METTL24: variants seen among roughly 807,000 people sequenced by gnomAD.
METTL24 encodes methyltransferase like 24, also known as probable methyltransferase-like protein 24.
A neutral mutation model predicts 32.7 loss-of-function variants in METTL24; 29 were observed. The ratio of observed to expected loss-of-function variants is 0.89; its 90% CI spans 0.66 to 1.21. The LOEUF (loss-of-function observed/expected upper bound fraction) is 1.21, where lower values mean the gene tolerates loss of function less well. Ranked by LOEUF, METTL24 falls within the 50% of genes most tolerant of loss-of-function variation. The pLI, the probability that METTL24 is intolerant of heterozygous loss-of-function variation, is 0.00. For missense variants in METTL24, 439 were observed against 468.1 expected (o/e 0.94, Z 0.57); for synonymous variants, 163 against 179.5 (o/e 0.91, Z 0.73).
At chr6:110,285,663 G>A (rs1016626107) in intron 4 of METTL24, among the ~76,000 whole-genome samples, 2 of 152,196 alleles carry the variant, frequency 1.3e-5, no homozygotes, top group African/African-American at 4.8e-5. Flanking sequence ...GAATTGCAGA[G>A]TGGCATGACC....
rs997327008 is a variant in METTL24 at position 110,249,859 on chromosome 6, A to G, written c.787-3599T>C. On this transcript the variant is annotated intron_variant, in intron 4 of 4. Transcript: ENST00000338882. ...TGGGTAGAAAGGTCTCAAAGAAAGA[A>G]GGTGAAACAACTTAATTGGTATGAT... Among the ~76,000 whole-genome samples the G allele has an allele frequency of 2.2e-4, 34 of 152,064 alleles. 2 individuals carry two copies. The highest frequency in any genetic ancestry group is 3.4e-4 in the Non-Finnish European group (23 of 67,946).
chr6:110,304,319 T>C (rs1465366829), intron 3 of METTL24, among the ~76,000 whole-genome samples: 1 of 152,246 alleles, frequency 6.6e-6, no homozygotes, highest in East Asian at 1.9e-4. Context: ...GAGAATGAAT[T>C]TGACAAACTG....
At chr6:110,292,218 C>A (rs1224516590) in intron 4 of METTL24, among the ~76,000 whole-genome samples, 1 of 152,206 alleles carries the variant, frequency 6.6e-6, no homozygotes, top group Non-Finnish European at 1.5e-5. Context: ...ATTCATATAT[C>A]TGTTCACACA....
intron 4 of METTL24, among the ~76,000 whole-genome samples, chr6:110,284,365 T>C (rs1199829656): frequency 2.6e-5 from 4 of 152,166 alleles, no homozygotes; most frequent in Non-Finnish European, 5.9e-5. Flanking sequence ...GGTAAGTGTA[T>C]TTTTACCTCA....
intron 4 of METTL24, among the ~76,000 whole-genome samples, chr6:110,279,529 A>C (rs1486331596): frequency 1.3e-5 from 2 of 152,226 alleles, no homozygotes; most frequent in Non-Finnish European, 2.9e-5. Context: ...ACTGGAGATA[A>C]TCTATATATC....
At chr6:110,254,645 A>G (rs1778350205) in intron 4 of METTL24, among the ~76,000 whole-genome samples, 1 of 152,146 alleles carries the variant, frequency 6.6e-6, no homozygotes, top group African/African-American at 2.4e-5. Flanking sequence ...AAATAAAATA[A>G]ATACATAAAA....
intron 1 of METTL24, among the ~76,000 whole-genome samples, chr6:110,334,979 G>A (rs1473660240): frequency 1.3e-5 from 2 of 152,172 alleles, no homozygotes; most frequent in African/African-American, 4.8e-5. Context: ...TGACAAGTTA[G>A]GAGAAGCCAC....
intron 1 of METTL24, chr6:110,357,588 C>T (rs1207210533): frequency 6.5e-6 from 1 of 153,652 alleles, no homozygotes; most frequent in African/African-American, 2.4e-5. Context: ...AGCCACAACG[C>T]CTTCCTTTCC....
chr6:110,285,212 C>T (rs1771200792), intron 4 of METTL24, among the ~76,000 whole-genome samples: 1 of 152,190 alleles, frequency 6.6e-6, no homozygotes, highest in African/African-American at 2.4e-5. Flanking sequence ...GCTGTGAACC[C>T]ATCATGGTGA....
chr6:110,334,686 C>T (rs192203103), intron 1 of METTL24, among the ~76,000 whole-genome samples: 118 of 152,306 alleles, frequency 7.7e-4, no homozygotes, highest in African/African-American at 2.7e-3. Flanking sequence ...TCACATCCCA[C>T]TGAATATGTC....
intron 1 of METTL24, among the ~76,000 whole-genome samples, chr6:110,330,291 CCA>C (rs1772090732): frequency 1.3e-5 from 2 of 152,182 alleles, no homozygotes; most frequent in Non-Finnish European, 2.9e-5. Context: ...GCAGTGGACC[CCA>C]GAGAGTGGGG....
chr6:110,267,890 C>T (rs1414551639), intron 4 of METTL24, among the ~76,000 whole-genome samples: 2 of 152,024 alleles, frequency 1.3e-5, no homozygotes, highest in Non-Finnish European at 2.9e-5. Context: ...GGGTAGATCT[C>T]AGACTATTTT....
At chr6:110,256,344 C>T (rs1213235765) in intron 4 of METTL24, among the ~76,000 whole-genome samples, 1 of 152,198 alleles carries the variant, frequency 6.6e-6, no homozygotes, top group Non-Finnish European at 1.5e-5. Context: ...AGTCCCAGTG[C>T]TGCAGTTAAC....
At chr6:110,348,550 C>G (rs763326767) in intron 1 of METTL24, among the ~76,000 whole-genome samples, 1 of 152,252 alleles carries the variant, frequency 6.6e-6, no homozygotes, top group Admixed American at 6.5e-5. Flanking sequence ...TGATCGTGCT[C>G]TAGTCAAAGT....
In METTL24 at chr6:110,299,248, T is replaced by A; in HGVS notation, c.558-98A>T. 2.9e-6 allele frequency: 3 copies of A among 1,034,868 alleles called. No individual in the cohort carries two copies. The South Asian group carries it at 4.2e-5, about 14-fold the overall frequency. 64.1% of individuals were successfully genotyped at this position (1,034,868 alleles called of 1,614,324 possible). A position where few individuals can be genotyped will look rare whatever the true frequency, so the allele number is the denominator to read the frequency against. ...GTTCCAAGGCCAAGGTTCTTAGTTATATCAAGCCTTCTCCTGTTTTAACCC... is the reference window on the plus strand; with the variant it reads ...GTTCCAAGGCCAAGGTTCTTAGTTAAATCAAGCCTTCTCCTGTTTTAACCC... On this transcript the variant is annotated intron_variant, in intron 3 of 4. Transcript: ENST00000338882.
intron 1 of METTL24, chr6:110,332,440 C>T (rs1772125187): frequency 1.1e-6 from 1 of 905,398 alleles, no homozygotes; most frequent in African/African-American, 1.8e-5. Context: ...AGCCATATAC[C>T]TAGAGTGGAT....
chr6:110,278,808 GC>G (rs1404837452), intron 4 of METTL24, among the ~76,000 whole-genome samples: 5 of 152,156 alleles, frequency 3.3e-5, no homozygotes, highest in Admixed American at 2.0e-4. Flanking sequence ...GATCACTTGA[GC>G]CCAGGAGTTC....
At chr6:110,301,960 G>A (rs1771523476) in intron 3 of METTL24, among the ~76,000 whole-genome samples, 1 of 152,014 alleles carries the variant, frequency 6.6e-6, no homozygotes, top group East Asian at 1.9e-4. Flanking sequence ...CAGCAGAAAA[G>A]GGCAATTTTA....
In METTL24 at chr6:110,315,609, C is replaced by A. The variant is rs147076296; in HGVS notation, c.418-128G>T. On this transcript the variant is annotated intron_variant, in intron 2 of 4. Coordinates refer to ENST00000338882, the MANE Select transcript of METTL24 (RefSeq NM_001123364.3). Reference sequence around the variant, plus strand: ...TTATAATCTCCTCCACTGCTAACAACTCCCCTCCCCAGGGAACCACAAGAC... The same window carrying A: ...TTATAATCTCCTCCACTGCTAACAAATCCCCTCCCCAGGGAACCACAAGAC... 4.3e-6 allele frequency: 4 copies of A among 922,294 alleles called. No individual in the cohort carries two copies. In the Admixed American group the frequency reaches 9.8e-5, roughly 23 times the overall value. The allele number at this position is 922,294 out of a possible 1,614,324, so 57.1% of individuals were successfully genotyped here. A position where few individuals can be genotyped will look rare whatever the true frequency, so the allele number is the denominator to read the frequency against.
Sources: allele counts gnomAD v4.1 joint callset (sites outside exome capture counted in the v4.1 genomes callset), GRCh38; gene constraint gnomAD v4.1.1; transcripts MANE v1.5; gene names NCBI Gene and HGNC (gene_info 2026-07-23, HGNC 2026-07-21).